KANK4: variants seen among roughly 807,000 people sequenced by gnomAD.
The protein encoded by KANK4 is KN motif and ankyrin repeat domains 4, also known as KN motif and ankyrin repeat domain-containing protein 4.
Under a neutral mutation model 80.8 loss-of-function variants are expected in KANK4, and 50 were observed. The ratio of observed to expected loss-of-function variants is 0.62; its 90% CI spans 0.49 to 0.78. The LOEUF is 0.78. Among genes scored for constraint, KANK4 ranks in the 30% least tolerant of loss-of-function variants. The pLI is 0.00. For synonymous variants in KANK4, 465 were observed against 506.9 expected, an observed-to-expected ratio of 0.92 and a Z score of 1.11; for missense variants, 1,196 against 1,240.1, an observed-to-expected ratio of 0.96 and a Z score of 0.53.
intron 1 of KANK4, among the ~76,000 whole-genome samples, chr1:62,312,910 T>C (rs1214222458): frequency 6.6e-6 from 1 of 152,208 alleles, no homozygotes; most frequent in Non-Finnish European, 1.5e-5. Flanking sequence ...CTCTCCACGG[T>C]ATCAACTGCC....
intron 5 of KANK4, among the ~76,000 whole-genome samples, chr1:62,267,509 G>C (rs942227995): frequency 6.6e-6 from 1 of 152,116 alleles, no homozygotes; most frequent in Non-Finnish European, 1.5e-5. Flanking sequence ...CACTTTAAAA[G>C]ACACATCACC....
In KANK4 at chr1:62,271,519, A is replaced by G. The variant is rs757352427; in HGVS notation, c.1971T>C (p.Asn657=). The stretch of plus-strand genomic sequence containing the variant: ...CAAACTGAAGGTTCTTTTTGGTCCC[A>G]TTACCTCCTGCACGGAAGCCATAGT... ...KKDYGFRAGG[N]GTKKNLQFVG... is the part of the protein sequence containing the mutation. The change falls in exon 4 of 10, where the codon AAT becomes AAC. Residue 657 remains asparagine, a synonymous_variant. Coordinates refer to ENST00000371153, the MANE Select transcript of KANK4 (RefSeq NM_181712.5). The G allele has an allele frequency of 1.7e-5, 28 of 1,614,098 alleles. No individual in the cohort carries two copies. The South Asian group carries it at 2.9e-4, about 16-fold the overall frequency.
Position 62,271,493 on chromosome 1 carries a change from A to G in KANK4, c.1997T>C (p.Val666Ala), listed in dbSNP as rs147365324. 7.4e-6 allele frequency: 12 copies of G among 1,612,826 alleles called. No homozygotes were observed. Among genetic ancestry groups the G allele is most frequent in the African/African-American group, 4.0e-5 (3 of 74,896 alleles). ...CGATGCTTACCCACCGTTAACCCCA[A>G]CAAACTGAAGGTTCTTTTTGGTCCC... Reference protein sequence around the residue: ...GNGTKKNLQFVGVNGGYETTS... With the variant: ...GNGTKKNLQFAGVNGGYETTS... The change falls in exon 4 of 10, where the codon GTT becomes GCT. Residue 666 changes from valine (V) to alanine (A), a missense_variant. This residue lies in a region of KANK4 where 1,154 missense variants were observed against 1,179.6 expected (regional missense o/e 0.98). Coordinates refer to ENST00000371153, the MANE Select transcript of KANK4 (RefSeq NM_181712.5).
At chr1:62,239,950 T>C (rs1483201858) in intron 9 of KANK4, among the ~76,000 whole-genome samples, 1 of 152,232 alleles carries the variant, frequency 6.6e-6, no homozygotes, top group East Asian at 1.9e-4. Context: ...GTCTTTGCTA[T>C]TGTGAATAGT....
intron 1 of KANK4, among the ~76,000 whole-genome samples, chr1:62,282,354 C>T (rs1273555187): frequency 2.0e-5 from 3 of 152,196 alleles, no homozygotes; most frequent in African/African-American, 7.2e-5. Context: ...CATCCTAGCT[C>T]CTGCCCCCAT....
chr1:62,269,077 C>T (rs111861630), intron 4 of KANK4, among the ~76,000 whole-genome samples: 1,604 of 152,358 alleles, frequency 0.011, 34 homozygotes, highest in African/African-American at 0.037. Flanking sequence ...CAGCACAGCA[C>T]CTGCCTGTCT....
intron 4 of KANK4, among the ~76,000 whole-genome samples, chr1:62,270,693 C>T (rs1347558226): frequency 6.6e-6 from 1 of 152,080 alleles, no homozygotes; most frequent in Non-Finnish European, 1.5e-5. Context: ...CCCAGTTCAT[C>T]ATTTCTGATG....
intron 7 of KANK4, among the ~76,000 whole-genome samples, chr1:62,257,124 A>G (rs140710663): frequency 0.014 from 2,186 of 152,062 alleles, 45 homozygotes; most frequent in African/African-American, 0.05. Flanking sequence ...GTCTCACTCT[A>G]TTGCCCAGGT....
chr1:62,245,896 C>G (rs1671453571), intron 9 of KANK4, among the ~76,000 whole-genome samples: 1 of 152,122 alleles, frequency 6.6e-6, no homozygotes, highest in Non-Finnish European at 1.5e-5. Flanking sequence ...GTGGCGGGCA[C>G]TCTACTAGGT....
chr1:62,307,342 C>T (rs750433469), intron 1 of KANK4, among the ~76,000 whole-genome samples: 12 of 151,864 alleles, frequency 7.9e-5, no homozygotes, highest in Non-Finnish European at 1.3e-4. Context: ...ATTAGCCGGA[C>T]GTCGTGGTGC....
intron 9 of KANK4, among the ~76,000 whole-genome samples, chr1:62,246,867 T>A (rs1045112417): frequency 6.6e-6 from 1 of 151,672 alleles, no homozygotes; most frequent in Non-Finnish European, 1.5e-5. Context: ...TTCAAGCGGT[T>A]CTCCTGCCTC....
At chr1:62,258,617 A>G (rs1178419501) in intron 7 of KANK4, among the ~76,000 whole-genome samples, 1 of 152,210 alleles carries the variant, frequency 6.6e-6, no homozygotes, top group Non-Finnish European at 1.5e-5. Flanking sequence ...AGAGTCATCC[A>G]TCGCTCATTC....
intron 8 of KANK4, among the ~76,000 whole-genome samples, chr1:62,250,549 G>A (rs34596884): frequency 1.1e-4 from 17 of 152,244 alleles, no homozygotes; most frequent in African/African-American, 3.1e-4. Context: ...GAAGGCCCAG[G>A]GGGAGCTAAA....
intron 1 of KANK4, among the ~76,000 whole-genome samples, chr1:62,283,030 G>A (rs1004483790): frequency 6.6e-6 from 1 of 152,194 alleles, no homozygotes; most frequent in Admixed American, 6.5e-5. Flanking sequence ...CTAACCTGGG[G>A]TGAGGCAGGC....
intron 1 of KANK4, 32 bp downstream of exon 1, chr1:62,319,073 AC>A (rs1354113859): frequency 3.3e-5 from 5 of 152,216 alleles, no homozygotes; most frequent in Non-Finnish European, 7.3e-5. Flanking sequence ...CAGCAGACGC[AC>A]TGCGGGGGAC....
chr1:62,282,364 T>C (rs6673857), intron 1 of KANK4, among the ~76,000 whole-genome samples: 3,545 of 152,298 alleles, frequency 0.023, 138 homozygotes, highest in African/African-American at 0.081. Context: ...CCTGCCCCCA[T>C]TACAATGAAT....
intron 9 of KANK4, among the ~76,000 whole-genome samples, chr1:62,246,345 G>T (rs1671465568): frequency 6.6e-6 from 1 of 152,192 alleles, no homozygotes; most frequent in African/African-American, 2.4e-5. Context: ...GGCACTTTCA[G>T]TTAAGTGACT....
intron 1 of KANK4, among the ~76,000 whole-genome samples, chr1:62,284,201 G>A (rs1478924591): frequency 6.6e-6 from 1 of 152,064 alleles, no homozygotes; most frequent in African/African-American, 2.4e-5. Flanking sequence ...TCCTTCCAGT[G>A]GGCAATGCTC....
chr1:62,255,771 C>T (rs961294130), intron 7 of KANK4, among the ~76,000 whole-genome samples: 8 of 152,172 alleles, frequency 5.3e-5, no homozygotes. Flanking sequence ...ACCTCAGCCT[C>T]CTGAGTAGCT....
Sources: gnomAD v4.1 joint callset for allele counts (sites outside exome capture counted in the v4.1 genomes callset) on GRCh38, gnomAD v4.1.1 for gene constraint, gnomAD v4.1.1 regional missense constraint, MANE v1.5 for transcripts, NCBI Gene and HGNC (gene_info 2026-07-23, HGNC 2026-07-21) for gene names.